The following ULK4 variants were observed in gnomAD, a reference collection of about 807,000 sequenced individuals.
ULK4 encodes the protein unc-51 like kinase 4.
ULK4 carries 133 observed loss-of-function variants against 160.6 expected under a neutral mutation model. The observed-to-expected ratio is 0.83, with a 90% CI of 0.72 to 0.96. The LOEUF is 0.96. Among genes scored for constraint, ULK4 ranks in the 40% least tolerant of loss-of-function variants. ULK4 has a pLI of 0.00. For synonymous variants in ULK4, 534 were observed against 539.8 expected (o/e 0.99, Z 0.15); for missense variants, 1,580 against 1,499.5 (o/e 1.05, Z -0.89).
chr3:41,274,437 G>C (rs2079195580), intron 35 of ULK4, among the ~76,000 whole-genome samples: 1 of 152,158 alleles, frequency 6.6e-6, no homozygotes, highest in Non-Finnish European at 1.5e-5. Flanking sequence ...TGAGATGTTT[G>C]TGCTCTGCGC....
chr3:41,573,913 G>A (rs1190983376), intron 31 of ULK4, among the ~76,000 whole-genome samples: 1 of 152,172 alleles, frequency 6.6e-6, no homozygotes, highest in Non-Finnish European at 1.5e-5. Context: ...AAATAAATAT[G>A]TTTGAGGGGA....
intron 35 of ULK4, among the ~76,000 whole-genome samples, chr3:41,388,201 A>T (rs769208763): frequency 1.3e-5 from 2 of 151,954 alleles, no homozygotes; most frequent in Non-Finnish European, 2.9e-5. Context: ...CATATCCTTC[A>T]CCCACTTGTT....
intron 5 of ULK4, 68 bp from the exon 6 acceptor site, chr3:41,919,886 G>C: frequency 3.0e-6 from 3 of 995,330 alleles, no homozygotes; most frequent in Middle Eastern, 2.2e-4. Flanking sequence ...ACCCACCTAG[G>C]AAAGATCTGA....
At chr3:41,639,724 T>A (rs2034106410) in intron 30 of ULK4, among the ~76,000 whole-genome samples, 1 of 152,184 alleles carries the variant, frequency 6.6e-6, no homozygotes, top group African/African-American at 2.4e-5. Context: ...CTAGACTTCA[T>A]CTCAATAAAT....
intron 17 of ULK4, among the ~76,000 whole-genome samples, chr3:41,877,113 T>G (rs1697333324): frequency 6.6e-6 from 1 of 152,188 alleles, no homozygotes; most frequent in African/African-American, 2.4e-5. Flanking sequence ...TAACTATATA[T>G]CATATTGGTG....
chr3:41,640,168 T>C (rs980023572), intron 30 of ULK4, among the ~76,000 whole-genome samples: 2 of 152,162 alleles, frequency 1.3e-5, no homozygotes, highest in African/African-American at 4.8e-5. Context: ...TCTATTGGCA[T>C]ACAGGCCACT....
At chr3:41,802,583 G>A (rs1345595931) in intron 19 of ULK4, among the ~76,000 whole-genome samples, 2 of 152,122 alleles carry the variant, frequency 1.3e-5, no homozygotes, top group African/African-American at 4.8e-5. Flanking sequence ...ACAAGCATGA[G>A]CTACTATGCC....
At position 41,466,152 on chromosome 3, in the gene ULK4, T is replaced by C. The variant is rs985184667; in HGVS notation, c.3227-2899A>G. On this transcript the variant is annotated intron_variant, in intron 32 of 36. Coordinates refer to ENST00000301831, the MANE Select transcript of ULK4 (RefSeq NM_017886.4). ...TATCCTTGCTTCTGCTATAATAATG[T>C]GCACTGAGTTCATATTATAGAATTC... is the stretch of plus-strand genomic sequence containing the variant. 2.6e-5 allele frequency among the ~76,000 whole-genome samples: 4 copies of C among 152,336 alleles called. No homozygotes were observed. The South Asian group carries it at 8.3e-4, about 32-fold the overall frequency.
chr3:41,496,875 A>C (rs1055339439), intron 32 of ULK4, among the ~76,000 whole-genome samples: 3 of 152,188 alleles, frequency 2.0e-5, no homozygotes, highest in African/African-American at 7.2e-5. Flanking sequence ...AGCCTTGAAT[A>C]AATCTAGCTG....
intron 32 of ULK4, among the ~76,000 whole-genome samples, chr3:41,478,959 T>C (rs1424418485): frequency 1.3e-5 from 2 of 152,270 alleles, no homozygotes; most frequent in Non-Finnish European, 2.9e-5. Flanking sequence ...ATTGATCATA[T>C]ATTCCAATGC....
intron 21 of ULK4, among the ~76,000 whole-genome samples, chr3:41,768,960 C>A (rs2039261174): frequency 6.6e-6 from 1 of 152,008 alleles, no homozygotes; most frequent in African/African-American, 2.4e-5. Context: ...CACTGTAAAT[C>A]AAAAAAATCC....
chr3:41,625,149 G>T (rs1047570208), intron 30 of ULK4, among the ~76,000 whole-genome samples: 16 of 152,106 alleles, frequency 1.1e-4, no homozygotes, highest in African/African-American at 3.9e-4. Context: ...AGTTTACTGG[G>T]TATTGACTAG....
At position 41,672,051 on chromosome 3, in the gene ULK4, T is replaced by C. The variant is rs75528476; in HGVS notation, c.2979-8352A>G. On this transcript the variant is annotated intron_variant, in intron 29 of 36. Transcript: ENST00000301831. Reference sequence around the variant, plus strand: ...TATCTTATACTGATTAAAATGGCTATTATGAAAAAGATGAAAAATAAGAGA... The same window carrying C: ...TATCTTATACTGATTAAAATGGCTACTATGAAAAAGATGAAAAATAAGAGA... Among the ~76,000 whole-genome samples, 853 of 152,164 alleles carry C rather than the reference T, an allele frequency of 5.6e-3. 25 individuals carry two copies. In the East Asian group the frequency reaches 0.088, roughly 16 times the overall value.
At chr3:41,308,754 T>C (rs902732404) in intron 35 of ULK4, among the ~76,000 whole-genome samples, 2 of 152,222 alleles carry the variant, frequency 1.3e-5, no homozygotes, top group African/African-American at 4.8e-5. Context: ...AAATGCTCAT[T>C]GGAGCATTTC....
chr3:41,272,103 G>C (rs1317387831), intron 35 of ULK4, among the ~76,000 whole-genome samples: 1 of 151,868 alleles, frequency 6.6e-6, no homozygotes, highest in Non-Finnish European at 1.5e-5. Context: ...TTTTAGTAGA[G>C]ATGGGGTTTT....
At chr3:41,905,991 G>A (rs902641074) in intron 12 of ULK4, among the ~76,000 whole-genome samples, 1 of 152,050 alleles carries the variant, frequency 6.6e-6, no homozygotes, top group African/African-American at 2.4e-5. Flanking sequence ...TCCGAGGCGG[G>A]CGGATCATGA....
chr3:41,641,388 A>C (rs1473684793), intron 30 of ULK4, among the ~76,000 whole-genome samples: 3 of 152,192 alleles, frequency 2.0e-5, no homozygotes, highest in African/African-American at 7.2e-5. Flanking sequence ...CAAGTGGAAT[A>C]GTTTGCTTCA....
In ULK4 at chr3:41,835,898, G is replaced by T. The variant is rs1443820379; in HGVS notation, c.1730C>A (p.Thr577Asn). ...TACAAGATAGATCAGCTCCCCAAGG[G>T]TTGGTAAAAGGCACTGTTTTAATTT... ...NSKLKQCLLP[T>N]LGELIYLVAT... The change falls in exon 18 of 37, where the codon ACC becomes AAC. Residue 577 changes from threonine to asparagine, a missense_variant. Transcript: ENST00000301831. The T allele has an allele frequency of 3.1e-6, 5 of 1,612,964 alleles. No individual in the cohort carries two copies. Among genetic ancestry groups the T allele is most frequent in the East Asian group, 2.2e-5 (1 of 44,854 alleles).
At chr3:41,656,535 A>T (rs1575536139) in intron 30 of ULK4, among the ~76,000 whole-genome samples, 1 of 152,326 alleles carries the variant, frequency 6.6e-6, no homozygotes, top group East Asian at 1.9e-4. Flanking sequence ...CTTATCGTTG[A>T]TTTTTGTCAT....
Sources: allele counts gnomAD v4.1 joint callset (sites outside exome capture counted in the v4.1 genomes callset), GRCh38; gene constraint gnomAD v4.1.1; transcripts MANE v1.5; gene names NCBI Gene and HGNC (gene_info 2026-07-23, HGNC 2026-07-21).